PLD5: variants seen among roughly 807,000 people sequenced by gnomAD.
PLD5 encodes inactive phospholipase D5.
A neutral mutation model predicts 61.1 loss-of-function variants in PLD5; 36 were observed. That is an observed-to-expected ratio of 0.59 (90% CI 0.45 to 0.78). The LOEUF (loss-of-function observed/expected upper bound fraction) is 0.78. PLD5 is among the 30% of genes least tolerant of loss of function. PLD5 has a pLI of 0.00. For synonymous variants in PLD5, 243 were observed against 242.8 expected (o/e 1.00, Z -0.01); for missense variants, 515 against 644.4 (o/e 0.80, Z 2.17).
chr1:242,186,495 A>T (rs556072824), intron 5 of PLD5, among the ~76,000 whole-genome samples: 4 of 152,336 alleles, frequency 2.6e-5, no homozygotes, highest in African/African-American at 9.6e-5. Context: ...GGCTGTAAGG[A>T]ATATATTTTT....
At chr1:242,418,138 A>G (rs1457131656) in intron 1 of PLD5, among the ~76,000 whole-genome samples, 5 of 152,190 alleles carry the variant, frequency 3.3e-5, no homozygotes, top group Non-Finnish European at 7.3e-5. Flanking sequence ...TATTTTGGAA[A>G]TAGATCCTAT....
At chr1:242,343,222 C>T (rs1325818983) in intron 2 of PLD5, among the ~76,000 whole-genome samples, 7 of 151,542 alleles carry the variant, frequency 4.6e-5, no homozygotes, top group Admixed American at 6.6e-5. Flanking sequence ...AAGTGAGGAG[C>T]GCTACACACA....
intron 5 of PLD5, chr1:242,177,969 T>A (rs1667276475): frequency 6.6e-6 from 1 of 152,232 alleles, no homozygotes; most frequent in Admixed American, 6.5e-5. Context: ...ATTACTGGTC[T>A]TTTACCATTG....
intron 1 of PLD5, among the ~76,000 whole-genome samples, chr1:242,515,503 A>T (rs1669076465): frequency 6.6e-6 from 1 of 152,168 alleles, no homozygotes; most frequent in Admixed American, 6.5e-5. Flanking sequence ...GTGTGCCACC[A>T]CGCCTGGCCA....
intron 1 of PLD5, among the ~76,000 whole-genome samples, chr1:242,355,435 T>C: frequency 6.6e-6 from 1 of 152,008 alleles, no homozygotes. Context: ...TATGATTGTG[T>C]TTCTGTAGTT....
At chr1:242,230,318 A>G (rs771698905) in intron 4 of PLD5, among the ~76,000 whole-genome samples, 1 of 152,228 alleles carries the variant, frequency 6.6e-6, no homozygotes, top group Non-Finnish European at 1.5e-5. Flanking sequence ...ATTAATCACT[A>G]GCTTTTGAAA....
At chr1:242,472,345 T>G (rs1667470820) in intron 1 of PLD5, among the ~76,000 whole-genome samples, 1 of 152,232 alleles carries the variant, frequency 6.6e-6, no homozygotes, top group South Asian at 2.1e-4. Context: ...TGAACATGTC[T>G]GAATGACCAG....
chr1:242,443,863 T>A (rs991003977), intron 1 of PLD5, among the ~76,000 whole-genome samples: 3 of 152,190 alleles, frequency 2.0e-5, no homozygotes, highest in Admixed American at 1.3e-4. Context: ...TTATTTATCC[T>A]AGGACTTCCA....
intron 1 of PLD5, among the ~76,000 whole-genome samples, chr1:242,391,112 G>A (rs1333483648): frequency 1.3e-5 from 2 of 152,076 alleles, no homozygotes; most frequent in Non-Finnish European, 2.9e-5. Flanking sequence ...GGAGAATGGC[G>A]TGAACCCGGG....
intron 4 of PLD5, among the ~76,000 whole-genome samples, chr1:242,225,018 G>A (rs1236370151): frequency 6.6e-6 from 1 of 152,158 alleles, no homozygotes; most frequent in African/African-American, 2.4e-5. Flanking sequence ...TTTTGCGTGT[G>A]TGCCTATAGT....
chr1:242,519,403 G>T (rs561948145), intron 1 of PLD5, among the ~76,000 whole-genome samples: 4 of 152,324 alleles, frequency 2.6e-5, no homozygotes, highest in African/African-American at 9.6e-5. Flanking sequence ...ACTTAGAGGA[G>T]ACAATCTTTT....
At position 242,311,260 on chromosome 1, in the gene PLD5, T is replaced by C. The variant is rs201994795; in HGVS notation, c.327-22730A>G. On this transcript the variant is annotated intron_variant, in intron 2 of 9. Transcript: ENST00000536534. The stretch of plus-strand genomic sequence containing the variant: ...TTTCAGAATTGCAGATAATGGGTTG[T>C]GGTCATATATGGCTATACTTTTATG... Among the ~76,000 whole-genome samples the C allele has an allele frequency of 1.1e-4, 16 of 152,336 alleles. No individual in the cohort carries two copies. In the East Asian group the frequency reaches 2.9e-3, roughly 28 times the overall value.
intron 1 of PLD5, among the ~76,000 whole-genome samples, chr1:242,523,446 A>T (rs191446028): frequency 3.6e-4 from 54 of 151,354 alleles, no homozygotes; most frequent in African/African-American, 1.3e-3. Flanking sequence ...GTCCCCTCTC[A>T]CCGGCTCCCA....
chr1:242,471,506 G>C (rs73144008), intron 1 of PLD5, among the ~76,000 whole-genome samples: 2,552 of 152,140 alleles, frequency 0.017, 71 homozygotes, highest in African/African-American at 0.059. Context: ...CACCTTGCTA[G>C]ACCCTCAAGG....
intron 5 of PLD5, among the ~76,000 whole-genome samples, chr1:242,189,124 G>A (rs950559339): frequency 6.6e-6 from 1 of 152,198 alleles, no homozygotes; most frequent in South Asian, 2.1e-4. Context: ...TAAGCAGGCA[G>A]CAAAGGACAG....
At chr1:242,112,283 C>CTGTGTGTGTGTGTGTG (rs748175841) in intron 7 of PLD5, among the ~76,000 whole-genome samples, 2 of 119,756 alleles carry the variant, frequency 1.7e-5, no homozygotes, top group African/African-American at 2.9e-5. Context: ...AAAGGATGCA[C>CTGTGTGTGTGTGTGTG]TGTGTGTGTG....
chr1:242,270,943 C>T (rs972599125), intron 3 of PLD5, among the ~76,000 whole-genome samples: 7 of 152,000 alleles, frequency 4.6e-5, no homozygotes, highest in Non-Finnish European at 8.8e-5. Context: ...AAGGAAGATG[C>T]TTAACACAAT....
intron 5 of PLD5, among the ~76,000 whole-genome samples, chr1:242,182,076 T>C (rs916554500): frequency 1.3e-5 from 2 of 152,200 alleles, no homozygotes; most frequent in African/African-American, 4.8e-5. Flanking sequence ...TGAAAGTATT[T>C]GCTGTTTGAT....
chr1:242,487,033 G>A (rs1371620164), intron 1 of PLD5, among the ~76,000 whole-genome samples: 1 of 151,970 alleles, frequency 6.6e-6, no homozygotes, highest in African/African-American at 2.4e-5. Flanking sequence ...GACACCGGAA[G>A]GGGAACATCA....
Sources: gnomAD v4.1 joint callset for allele counts (sites outside exome capture counted in the v4.1 genomes callset) on GRCh38, gnomAD v4.1.1 for gene constraint, MANE v1.5 for transcripts, NCBI Gene and HGNC (gene_info 2026-07-23, HGNC 2026-07-21) for gene names.